Variants in FER observed in about 807,000 individuals in gnomAD.
The protein encoded by FER is tyrosine-protein kinase Fer.
FER carries 63 observed loss-of-function variants against 111.0 expected under a neutral mutation model. That is an observed-to-expected ratio of 0.57 (90% CI 0.46 to 0.70). FER has a LOEUF of 0.70. Ranked by LOEUF, FER falls within the 30% of genes least tolerant of loss-of-function variation. The pLI is 0.00. For synonymous variants in FER, 327 were observed against 313.9 expected (o/e 1.04, Z -0.44); for missense variants, 914 against 954.0 (o/e 0.96, Z 0.55).
intron 17 of FER, among the ~76,000 whole-genome samples, chr5:109,146,223 TTATC>T (rs1279800531): frequency 1.5e-4 from 19 of 125,312 alleles, no homozygotes; most frequent in Non-Finnish European, 2.7e-4. Context: ...TATATATATA[TTATC>T]TATCTAATAT....
chr5:109,091,720 C>T (rs1039348678), intron 16 of FER, among the ~76,000 whole-genome samples: 4 of 152,070 alleles, frequency 2.6e-5, no homozygotes, highest in African/African-American at 7.2e-5. Context: ...GGCAAATACC[C>T]CACCCTGGTG....
At chr5:108,924,785 A>G in intron 10 of FER, 1 of 1,232,074 alleles carries the variant, frequency 8.1e-7, no homozygotes, top group Non-Finnish European at 1.0e-6. Context: ...GTCCACAGAG[A>G]TCAGGTAAGG....
At chr5:109,108,185 G>A (rs1395002810) in intron 17 of FER, among the ~76,000 whole-genome samples, 4 of 152,034 alleles carry the variant, frequency 2.6e-5, no homozygotes, top group Non-Finnish European at 4.4e-5. Flanking sequence ...TATGAGATTG[G>A]TACTATTTAA....
At chr5:108,844,095 TATGTGTGTGAAC>T (rs773879364) in intron 5 of FER, among the ~76,000 whole-genome samples, 4 of 145,588 alleles carry the variant, frequency 2.7e-5, no homozygotes, top group Non-Finnish European at 6.1e-5. Flanking sequence ...CGTGTGAACA[TATGTGTGTGAAC>T]ATGTGTGTGA....
chr5:109,037,297 G>C (rs529794865), intron 13 of FER, 125 bp from the exon 14 acceptor site: 1 of 689,884 alleles, frequency 1.4e-6, no homozygotes, highest in African/African-American at 1.8e-5. Context: ...TAACTTCTCA[G>C]TGTGCTGTTG....
At chr5:109,140,033 CT>C (rs1257900415) in intron 17 of FER, among the ~76,000 whole-genome samples, 3 of 152,162 alleles carry the variant, frequency 2.0e-5, no homozygotes, top group Non-Finnish European at 2.9e-5. Flanking sequence ...TCTTTAGTGC[CT>C]AGTAAACAAA....
chr5:109,118,705 G>A (rs969729867), intron 17 of FER, among the ~76,000 whole-genome samples: 3 of 151,928 alleles, frequency 2.0e-5, no homozygotes, highest in East Asian at 3.9e-4. Context: ...GTCTATTCAG[G>A]GATTCAGTTT....
At chr5:109,163,357 G>A (rs1037943109) in intron 17 of FER, among the ~76,000 whole-genome samples, 2 of 152,088 alleles carry the variant, frequency 1.3e-5, no homozygotes, top group African/African-American at 2.4e-5. Context: ...ATAGTCATAT[G>A]TAAGTCTTTG....
At chr5:108,864,768 G>T (rs1443260034) in intron 5 of FER, among the ~76,000 whole-genome samples, 1 of 152,140 alleles carries the variant, frequency 6.6e-6, no homozygotes, top group East Asian at 1.9e-4. Context: ...TAGCCTTGTA[G>T]TATAGTTTGA....
intron 17 of FER, among the ~76,000 whole-genome samples, chr5:109,102,225 A>T (rs879877580): frequency 2.6e-4 from 39 of 152,256 alleles, no homozygotes; most frequent in Admixed American, 2.4e-3. Flanking sequence ...TTGCTTTTTA[A>T]GAATTTTCAT....
At chr5:108,790,700 A>G (rs1755269087) in intron 2 of FER, among the ~76,000 whole-genome samples, 1 of 152,216 alleles carries the variant, frequency 6.6e-6, no homozygotes, top group South Asian at 2.1e-4. Context: ...TTGAAATTGT[A>G]CAATTTGTTT....
intron 18 of FER, among the ~76,000 whole-genome samples, chr5:109,185,510 C>A (rs1011978323): frequency 1.3e-5 from 2 of 152,022 alleles, no homozygotes; most frequent in Non-Finnish European, 2.9e-5. Context: ...TCGCAGGAAT[C>A]CAACTTGGTT....
chr5:108,885,455 C>T (rs1746972902), intron 9 of FER, among the ~76,000 whole-genome samples: 1 of 151,844 alleles, frequency 6.6e-6, no homozygotes, highest in Admixed American at 6.6e-5. Context: ...TAACAATGTG[C>T]CATAGACTAG....
chr5:108,946,050 G>T, intron 10 of FER, 80 bp from the exon 11 acceptor site: 4 of 899,416 alleles, frequency 4.4e-6, no homozygotes, highest in Non-Finnish European at 5.3e-6. Flanking sequence ...ATAAGCTGTG[G>T]ATAAGTACCT....
At chr5:109,059,232 A>C (rs1774058545) in intron 16 of FER, among the ~76,000 whole-genome samples, 1 of 152,180 alleles carries the variant, frequency 6.6e-6, no homozygotes, top group African/African-American at 2.4e-5. Context: ...TTTCCACTAC[A>C]AAATCAAAAC....
intron 10 of FER, among the ~76,000 whole-genome samples, chr5:108,943,473 T>C (rs757359827): frequency 8.5e-5 from 13 of 152,276 alleles, no homozygotes; most frequent in Non-Finnish European, 1.5e-4. Context: ...TGTCACTTTC[T>C]ACAGCAGCCA....
At chr5:109,048,435 G>T (rs1176375641) in intron 16 of FER, among the ~76,000 whole-genome samples, 1 of 152,118 alleles carries the variant, frequency 6.6e-6, no homozygotes, top group Non-Finnish European at 1.5e-5. Context: ...GAACGCCACT[G>T]AAAAACTCAG....
chr5:109,051,032 A>T (rs1422087350), intron 16 of FER, among the ~76,000 whole-genome samples: 1 of 152,178 alleles, frequency 6.6e-6, no homozygotes, highest in Non-Finnish European at 1.5e-5. Flanking sequence ...GCCCTAATCT[A>T]TGTATCATGT....
At chr5:108,769,652 A>C (rs867578653) in intron 2 of FER, among the ~76,000 whole-genome samples, 4 of 152,078 alleles carry the variant, frequency 2.6e-5, no homozygotes, top group African/African-American at 9.7e-5. Context: ...TTTTTTTTAG[A>C]CAGAACTCAT....
Sources: allele counts gnomAD v4.1 joint callset (sites outside exome capture counted in the v4.1 genomes callset), GRCh38; gene constraint gnomAD v4.1.1; transcripts MANE v1.5; gene names NCBI Gene and HGNC (gene_info 2026-07-23, HGNC 2026-07-21).